MED23: variants seen among roughly 807,000 people sequenced by gnomAD.
The protein encoded by MED23 is mediator complex subunit 23, also known as mediator of RNA polymerase II transcription subunit 23.
A neutral mutation model predicts 163.9 loss-of-function variants in MED23; 105 were observed. The observed-to-expected ratio is 0.64, with a 90% CI of 0.55 to 0.75. The LOEUF is 0.75. Ranked by LOEUF, MED23 falls within the 30% of genes least tolerant of loss-of-function variation. The pLI is 0.00. For missense variants in MED23, 1,054 were observed against 1,649.0 expected (o/e 0.64, Z 6.25); for synonymous variants, 561 against 565.6 (o/e 0.99, Z 0.12).
intron 10 of MED23, among the ~76,000 whole-genome samples, chr6:131,610,850 G>T (rs149161355): frequency 6.6e-6 from 1 of 152,188 alleles, no homozygotes; most frequent in East Asian, 1.9e-4. Flanking sequence ...AAAAAAAATT[G>T]ATCTCTCTGC....
At chr6:131,574,285 C>CT (rs1773507714) in exon 31 of MED23, 1 of 1,613,972 alleles carries the variant, frequency 6.2e-7, no homozygotes, top group East Asian at 2.2e-5. Flanking sequence ...GCTGTGTACT[C>CT]TGACTTTTTA....
In MED23 at chr6:131,605,040, A is replaced by T. The variant is rs78661777; in HGVS notation, c.1613+200T>A. Among the ~76,000 whole-genome samples the T allele has an allele frequency of 0.033, 4,989 of 152,308 alleles. 166 individuals are homozygous for T. The highest frequency in any genetic ancestry group is 0.15 in the East Asian group (799 of 5,178). ...GCTTATCTCTCATGTAGAGATTACA[A>T]CAATTACTTTCTTTGGGTTTGTTTA... is the stretch of plus-strand genomic sequence containing the variant. On this transcript the variant is annotated intron_variant, in intron 14 of 28. Coordinates refer to ENST00000368068, the MANE Select transcript of MED23 (RefSeq NM_004830.4).
At chr6:131,625,127 TA>T in intron 3 of MED23, 138 bp from the exon 4 acceptor site, 1 of 998,176 alleles carries the variant, frequency 1.0e-6, no homozygotes, top group Non-Finnish European at 1.5e-6. Flanking sequence ...AAATAATTTT[TA>T]AAAAAAGCAA....
chr6:131,590,808 G>A (rs112979798), intron 26 of MED23, among the ~76,000 whole-genome samples: 3,025 of 151,904 alleles, frequency 0.02, 119 homozygotes, highest in African/African-American at 0.07. Flanking sequence ...TAGTAGAGAC[G>A]GGGTTTCACC....
At chr6:131,606,370 T>C (rs1775856108) in intron 13 of MED23, 109 bp downstream of exon 13, 3 of 1,098,590 alleles carry the variant, frequency 2.7e-6, no homozygotes, top group Non-Finnish European at 4.1e-6. Flanking sequence ...TTACCTATAG[T>C]GGGTATGCGG....
chr6:131,607,859 A>G, intron 12 of MED23, 69 bp downstream of exon 12: 1 of 1,545,440 alleles, frequency 6.5e-7, no homozygotes, highest in Non-Finnish European at 8.9e-7. Context: ...TCACACTAAA[A>G]TCCTTAAACA....
At chr6:131,574,563 T>G (rs187285609) in intron 30 of MED23, among the ~76,000 whole-genome samples, 37 of 152,328 alleles carry the variant, frequency 2.4e-4, no homozygotes, top group Admixed American at 1.6e-3. Context: ...AACATGGTCA[T>G]GAGAATGGAG....
rs779875947 is a variant in MED23 at position 131,628,062 on chromosome 6, C to T, written c.-13G>A. 25 of 1,613,804 alleles carry T rather than the reference C, an allele frequency of 1.5e-5. No homozygotes were observed. The highest frequency in any genetic ancestry group is 2.0e-5 in the Non-Finnish European group (24 of 1,180,042). On this transcript the variant is annotated 5_prime_UTR_variant, in exon 1 of 29. Coordinates refer to ENST00000368068, the MANE Select transcript of MED23 (RefSeq NM_004830.4). ...GTTGCGTCTCCATCTGTACTATCAC[C>T]CCCGCCTTTCCAGGGTGCCCGGCAA...
intron 13 of MED23, among the ~76,000 whole-genome samples, 156 bp from the exon 14 acceptor site, chr6:131,605,641 T>C (rs1460080578): frequency 6.6e-6 from 1 of 152,218 alleles, no homozygotes; most frequent in Middle Eastern, 3.2e-3. Context: ...ACAGTGGGAA[T>C]ACACATAGAA....
intron 30 of MED23, among the ~76,000 whole-genome samples, chr6:131,574,930 A>G (rs1204555566): frequency 6.6e-6 from 1 of 152,170 alleles, no homozygotes; most frequent in Non-Finnish European, 1.5e-5. Flanking sequence ...TCTGATTCCA[A>G]TGCCTATGCC....
chr6:131,617,015 T>C (rs780700032), intron 9 of MED23, among the ~76,000 whole-genome samples: 1 of 151,892 alleles, frequency 6.6e-6, no homozygotes, highest in Non-Finnish European at 1.5e-5. Context: ...GAGAAGTAGA[T>C]GAAACAGTGA....
chr6:131,625,561 G>C (rs1438661150), intron 3 of MED23, among the ~76,000 whole-genome samples: 1 of 152,132 alleles, frequency 6.6e-6, no homozygotes, highest in Non-Finnish European at 1.5e-5. Context: ...ATAATGTTCT[G>C]CTTCTCTCCA....
chr6:131,579,829 C>CGT (rs367611464), intron 30 of MED23, among the ~76,000 whole-genome samples: 98 of 149,526 alleles, frequency 6.6e-4, no homozygotes, highest in South Asian at 2.3e-3. Context: ...CTTTGTTTAA[C>CGT]GTGTGTGTGT....
chr6:131,590,566 T>G (rs1002520480), intron 26 of MED23, 124 bp from the exon 27 acceptor site: 11 of 602,950 alleles, frequency 1.8e-5, no homozygotes, highest in African/African-American at 1.1e-4. Context: ...TTTAATTTGG[T>G]AACAATAATA....
At chr6:131,605,842 A>G (rs1302881152) in intron 13 of MED23, among the ~76,000 whole-genome samples, 4 of 152,212 alleles carry the variant, frequency 2.6e-5, no homozygotes. Flanking sequence ...CATTACAGAT[A>G]CCACTATGAA....
At position 131,608,140 on chromosome 6, in the gene MED23, TG is replaced by T. The variant is rs1241961070; in HGVS notation, c.1078-70del. 10 of 1,560,366 alleles carry T rather than the reference TG, an allele frequency of 6.4e-6. No homozygotes were observed. The South Asian group carries it at 1.0e-4, about 16-fold the overall frequency. ...AGAGATGAATACAGGAAGTTTTTGT[TG>T]TTTTTTTGTTTTTGTTTTTAAGGAG... On this transcript the variant is annotated intron_variant, in intron 11 of 28. Transcript: ENST00000368068.
intron 6 of MED23, among the ~76,000 whole-genome samples, chr6:131,621,677 T>C (rs1261376842): frequency 6.6e-6 from 1 of 152,220 alleles, no homozygotes. Flanking sequence ...TTTCATTGTT[T>C]TCATAATTTA....
rs2297637 is a variant in MED23 at position 131,579,379 on chromosome 6, G to T, written c.4096-5084C>A. ...AAAATTTAGAAATATAGACAGAAAA[G>T]CATTGACCTATATTTTATATCAAAT... is the stretch of plus-strand genomic sequence containing the variant. On this transcript the variant is annotated intron_variant, in intron 30 of 30. Coordinates refer to the MED23 transcript ENST00000354577. 70,941 of 1,398,278 alleles carry T rather than the reference G, an allele frequency of 0.051. 4,135 individuals are homozygous for T. The highest frequency in any genetic ancestry group is 0.27 in the African/African-American group (18,607 of 69,340). 86.6% of individuals were successfully genotyped at this position (1,398,278 alleles called of 1,614,324 possible). A position where few individuals can be genotyped will look rare whatever the true frequency, so the allele number is the denominator to read the frequency against.
At chr6:131,618,586 T>C (rs541551292) in intron 8 of MED23, 67 bp from the exon 9 acceptor site, 1 of 1,036,518 alleles carries the variant, frequency 9.6e-7, no homozygotes, top group Non-Finnish European at 1.5e-6. Flanking sequence ...ACTTCACAAA[T>C]ATTTAATGAA....
Sources: allele counts gnomAD v4.1 joint callset (sites outside exome capture counted in the v4.1 genomes callset), GRCh38; gene constraint gnomAD v4.1.1; transcripts MANE v1.5; gene names NCBI Gene and HGNC (gene_info 2026-07-23, HGNC 2026-07-21).